PCDH15: variants seen among roughly 807,000 people sequenced by gnomAD.
PCDH15 encodes the protein protocadherin-15.
Under a neutral mutation model 178.5 loss-of-function variants are expected in PCDH15, and 129 were observed. The observed-to-expected ratio is 0.72, with a 90% confidence interval of 0.63 to 0.84. The LOEUF (loss-of-function observed/expected upper bound fraction) is 0.84. Among genes scored for constraint, PCDH15 ranks in the 40% least tolerant of loss-of-function variants. The probability of loss-of-function intolerance (pLI) is 0.00; values close to 1 mark genes in which losing one functional copy is unlikely to be tolerated. For synonymous variants in PCDH15, 800 were observed against 732.0 expected (o/e 1.09, Z -1.50); for missense variants, 2,230 against 2,099.9 (o/e 1.06, Z -1.21).
intron 1 of PCDH15, among the ~76,000 whole-genome samples, chr10:54,706,920 C>T (rs1049102696): frequency 1.3e-5 from 2 of 152,110 alleles, no homozygotes. Flanking sequence ...TGGCGCCCAG[C>T]CAGAAAGACA....
chr10:54,674,126 C>T lies in PCDH15; in HGVS notation c.-28-9836G>A, dbSNP rs562281275. ...GCAGAGGCAGAATCAACATTCTATA[C>T]ATATAACTTTTTACTTTCTTTGCAG... On this transcript the variant is annotated intron_variant, in intron 1 of 37. Transcript: ENST00000644397. 8.5e-5 allele frequency among the ~76,000 whole-genome samples: 13 copies of T among 152,252 alleles called. No individual in the cohort carries two copies. In the South Asian group the frequency reaches 2.3e-3, roughly 27 times the overall value.
chr10:54,440,329 A>G (rs1436852903), intron 3 of PCDH15, among the ~76,000 whole-genome samples: 11 of 152,006 alleles, frequency 7.2e-5, no homozygotes, highest in Non-Finnish European at 2.9e-5. Flanking sequence ...AACTGGGTCA[A>G]GTTTTTTAAT....
intron 2 of PCDH15, among the ~76,000 whole-genome samples, chr10:55,351,840 A>G (rs992939835): frequency 2.6e-5 from 4 of 152,264 alleles, no homozygotes; most frequent in African/African-American, 9.6e-5. Context: ...TCCTTGATTC[A>G]ACATCTCTGC....
At position 54,153,105 on chromosome 10, in the gene PCDH15, C is replaced by T; in HGVS notation, c.1779G>A (p.Glu593=). The change falls in exon 14 of 38, where the codon GAG becomes GAA. Residue 593 remains glutamate (E), a synonymous_variant. Transcript: ENST00000644397. The part of the protein sequence containing the change: ...VQAADNAPPA[E]RRNSICTVYI... ...TTGGTTCTAATATAAATTACCTTCG[C>T]TCTGCAGGAGGAGCATTATCCGCTG... The T allele has an allele frequency of 6.2e-7, 1 of 1,613,712 alleles. No individual in the cohort carries two copies.
chr10:54,714,226 T>C (rs1016303520), intron 1 of PCDH15, among the ~76,000 whole-genome samples: 4 of 152,194 alleles, frequency 2.6e-5, no homozygotes, highest in Non-Finnish European at 5.9e-5. Context: ...AGATATCCTG[T>C]GAAGTGAACT....
chr10:54,357,023 A>G (rs1478662539), intron 5 of PCDH15, among the ~76,000 whole-genome samples: 2 of 152,176 alleles, frequency 1.3e-5, no homozygotes, highest in East Asian at 1.9e-4. Flanking sequence ...AAATAATAAG[A>G]GCTATCAATG....
At chr10:54,651,325 C>A (rs2094256170) in intron 2 of PCDH15, among the ~76,000 whole-genome samples, 1 of 151,944 alleles carries the variant, frequency 6.6e-6, no homozygotes, top group Admixed American at 6.6e-5. Flanking sequence ...GTAGGCAAAG[C>A]AAGAATATAT....
At chr10:54,986,665 G>A (rs1309081322) in intron 2 of PCDH15, among the ~76,000 whole-genome samples, 1 of 152,146 alleles carries the variant, frequency 6.6e-6, no homozygotes, top group Non-Finnish European at 1.5e-5. Flanking sequence ...ATGTGGTGAA[G>A]CTGAATTTTT....
At chr10:54,676,854 G>A (rs2135576455) in intron 1 of PCDH15, among the ~76,000 whole-genome samples, 1 of 152,256 alleles carries the variant, frequency 6.6e-6, no homozygotes, top group African/African-American at 2.4e-5. Context: ...TCAGAGATGG[G>A]TGAAATAAAT....
chr10:55,614,874 C>G (rs1453787819), intron 2 of PCDH15, among the ~76,000 whole-genome samples: 1 of 152,112 alleles, frequency 6.6e-6, no homozygotes, highest in Non-Finnish European at 1.5e-5. Context: ...ACAGTTTACC[C>G]TTTAATACCA....
chr10:54,957,976 C>T (rs1773390526), intron 2 of PCDH15, among the ~76,000 whole-genome samples: 1 of 151,690 alleles, frequency 6.6e-6, no homozygotes, highest in Non-Finnish European at 1.5e-5. Flanking sequence ...AAAAGGTTGA[C>T]CCACTGAAGA....
chr10:55,540,441 A>G (rs775035107), intron 2 of PCDH15, among the ~76,000 whole-genome samples: 6 of 152,030 alleles, frequency 3.9e-5, no homozygotes, highest in Non-Finnish European at 8.8e-5. Context: ...TGCATCAACA[A>G]TAAAGAATGG....
chr10:54,475,789 T>A (rs1383471570), intron 3 of PCDH15, among the ~76,000 whole-genome samples: 2 of 151,506 alleles, frequency 1.3e-5, no homozygotes, highest in African/African-American at 4.8e-5. Context: ...TGTGCAGGAA[T>A]GCCATATGAA....
chr10:54,823,057 T>G (rs1015851861), intron 3 of PCDH15, among the ~76,000 whole-genome samples: 1 of 151,918 alleles, frequency 6.6e-6, no homozygotes, highest in African/African-American at 2.4e-5. Context: ...AATTTTTGAA[T>G]TTTTACTAGA....
chr10:54,250,267 CTTTT>C (rs765895227), intron 8 of PCDH15, among the ~76,000 whole-genome samples: 164 of 84,068 alleles, frequency 2.0e-3, no homozygotes, highest in African/African-American at 7.7e-3. Context: ...TATGCTATTA[CTTTT>C]TTTTTTTTTT....
intron 2 of PCDH15, among the ~76,000 whole-genome samples, chr10:55,547,095 G>A (rs542510934): frequency 6.6e-6 from 1 of 152,178 alleles, no homozygotes; most frequent in African/African-American, 2.4e-5. Flanking sequence ...GGAATGGCCT[G>A]GCTCTAGTAC....
intron 11 of PCDH15, among the ~76,000 whole-genome samples, chr10:54,191,094 C>A (rs1236153404): frequency 6.6e-6 from 1 of 152,130 alleles, no homozygotes; most frequent in Non-Finnish European, 1.5e-5. Flanking sequence ...GTTAGATAAC[C>A]TAATTCATTC....
intron 3 of PCDH15, among the ~76,000 whole-genome samples, chr10:54,436,019 GA>G (rs2075367432): frequency 1.7e-5 from 1 of 59,790 alleles, no homozygotes; most frequent in African/African-American, 9.7e-5. Context: ...GAGGAGAGGA[GA>G]GGAGAGGAGA....
At chr10:54,423,181 T>C (rs1158556534) in intron 3 of PCDH15, among the ~76,000 whole-genome samples, 1 of 152,064 alleles carries the variant, frequency 6.6e-6, no homozygotes, top group African/African-American at 2.4e-5. Context: ...ATATTTACAG[T>C]CAGGGATTGA....
Sources: gnomAD v4.1 joint callset for allele counts (sites outside exome capture counted in the v4.1 genomes callset) on GRCh38, gnomAD v4.1.1 for gene constraint, MANE v1.5 for transcripts, NCBI Gene and HGNC (gene_info 2026-07-23, HGNC 2026-07-21) for gene names.